GOSR1: variants seen among roughly 807,000 people sequenced by gnomAD.
The protein encoded by GOSR1 is 28 kDa Golgi SNARE protein.
GOSR1 carries 21 observed loss-of-function variants against 35.5 expected under a neutral mutation model. The observed-to-expected ratio is 0.59, with a 90% CI of 0.42 to 0.85. GOSR1 has a LOEUF of 0.85. Among genes scored for constraint, GOSR1 ranks in the 40% least tolerant of loss-of-function variants. GOSR1 has a pLI of 0.00. For synonymous variants in GOSR1, 94 were observed against 106.6 expected (o/e 0.88, Z 0.73); for missense variants, 285 against 309.6 (o/e 0.92, Z 0.60).
chr17:30,495,332 A>C, intron 6 of GOSR1: 1 of 424,880 alleles, frequency 2.4e-6, no homozygotes, highest in Non-Finnish European at 4.7e-6. Context: ...TCATTACTTG[A>C]CCAGGCATAT....
chr17:30,485,640 A>G (rs1401505781), intron 4 of GOSR1, among the ~76,000 whole-genome samples: 1 of 152,194 alleles, frequency 6.6e-6, no homozygotes, highest in Non-Finnish European at 1.5e-5. Context: ...CTAGAATTAT[A>G]GGCATGAGCC....
In GOSR1 at chr17:30,522,559, G is replaced by A. The variant is rs1968076454; in HGVS notation, c.*181G>A. On this transcript the variant is annotated 3_prime_UTR_variant, in exon 9 of 9. Coordinates refer to ENST00000451249, the MANE Select transcript of GOSR1 (RefSeq NM_001007025.2). ...TGAGCTGAAGCCACAGTTTCTCTGT[G>A]CTGTGTTTTCTAACACATTTTTCTG... 1 of 446,370 alleles carries A rather than the reference G, an allele frequency of 2.2e-6. No homozygotes were observed. Among genetic ancestry groups the A allele is most frequent in the African/African-American group, 2.0e-5 (1 of 49,044 alleles). The allele number at this position is 446,370 out of a possible 1,614,324, so 27.7% of individuals were successfully genotyped here.
At chr17:30,519,628 A>T in intron 7 of GOSR1, 1 of 190,318 alleles carries the variant, frequency 5.3e-6, no homozygotes, top group Non-Finnish European at 1.1e-5. Context: ...TAAAGTTTTT[A>T]AACTTTAAAT....
chr17:30,493,098 G>A (rs1915147945), intron 6 of GOSR1, among the ~76,000 whole-genome samples: 1 of 151,726 alleles, frequency 6.6e-6, no homozygotes, highest in African/African-American at 2.4e-5. Flanking sequence ...GGGTTCAAGC[G>A]ATTCTCCTGC....
rs945050875 is a variant in GOSR1, at chr17:30,488,082, A to G, written c.343-2044A>G. ...AGCCACCGTACCCAGCCCTGATCCAATTATTCTATTGCTAGTCATTTACTC... is the reference window on the plus strand; with the variant it reads ...AGCCACCGTACCCAGCCCTGATCCAGTTATTCTATTGCTAGTCATTTACTC... On this transcript the variant is annotated intron_variant, in intron 4 of 8. Coordinates refer to ENST00000451249, the MANE Select transcript of GOSR1 (RefSeq NM_001007025.2). Among the ~76,000 whole-genome samples the G allele has an allele frequency of 3.5e-5, 5 of 141,622 alleles. No homozygotes were observed. The East Asian group carries it at 6.3e-4, about 18-fold the overall frequency. 92.9% of individuals were successfully genotyped at this position (141,622 alleles called of 152,430 possible).
At chr17:30,496,882 T>A (rs760687427) in intron 6 of GOSR1, among the ~76,000 whole-genome samples, 7 of 152,220 alleles carry the variant, frequency 4.6e-5, no homozygotes, top group Non-Finnish European at 8.8e-5. Context: ...AGGCTGTGAC[T>A]GTTTTCATAG....
At chr17:30,516,192 C>T (rs912825141) in intron 7 of GOSR1, among the ~76,000 whole-genome samples, 4 of 152,156 alleles carry the variant, frequency 2.6e-5, no homozygotes, top group East Asian at 1.9e-4. Context: ...AAAAGTCAGC[C>T]GGGCGCGGTG....
Position 30,522,593 on chromosome 17 carries a change from T to TAA in GOSR1, c.*230_*231dup, listed in dbSNP as rs34897756. The TAA allele has an allele frequency of 2.6e-3, 665 of 251,314 alleles. 3 individuals are homozygous for TAA. The highest frequency in any genetic ancestry group is 0.011 in the African/African-American group (438 of 40,190). 15.6% of individuals were successfully genotyped at this position (251,314 alleles called of 1,614,324 possible). A position where few individuals can be genotyped will look rare whatever the true frequency, so the allele number is the denominator to read the frequency against. The stretch of plus-strand genomic sequence containing the variant: ...TCTAACACATTTTTCTGTTTTTAAT[T>TAA]AAAAAAAAAAAAAAAAGGTTTTCAG... On this transcript the variant is annotated 3_prime_UTR_variant, in exon 9 of 9. Transcript: ENST00000451249.
chr17:30,502,614 G>A (rs917630), intron 6 of GOSR1, among the ~76,000 whole-genome samples: 8,309 of 152,138 alleles, frequency 0.055, 297 homozygotes, highest in Non-Finnish European at 0.088. Flanking sequence ...TCTGTCTCCC[G>A]GTAACTTGCT....
chr17:30,517,080 T>C (rs949207506), intron 7 of GOSR1, among the ~76,000 whole-genome samples: 4 of 152,220 alleles, frequency 2.6e-5, no homozygotes. Flanking sequence ...TTGAAAGTGA[T>C]CTAAATCCTA....
chr17:30,485,843 G>A (rs191135918), intron 4 of GOSR1, among the ~76,000 whole-genome samples: 228 of 152,116 alleles, frequency 1.5e-3, no homozygotes, highest in African/African-American at 5.1e-3. Context: ...CCAACATGGC[G>A]AAACCCTGTC....
chr17:30,515,294 A>AT (rs35911853), intron 7 of GOSR1, among the ~76,000 whole-genome samples: 2,245 of 139,508 alleles, frequency 0.016, 27 homozygotes, highest in Admixed American at 0.03. Context: ...TGCCCAGCTA[A>AT]TTTTTTTTTT....
Position 30,504,533 on chromosome 17 carries a change from G to A in GOSR1, c.510-6347G>A, listed in dbSNP as rs182868090. 1.1e-4 allele frequency among the ~76,000 whole-genome samples: 16 copies of A among 152,290 alleles called. No individual in the cohort carries two copies. The East Asian group carries it at 2.9e-3, about 28-fold the overall frequency. On this transcript the variant is annotated intron_variant, in intron 6 of 8. Coordinates refer to ENST00000451249, the MANE Select transcript of GOSR1 (RefSeq NM_001007025.2). ...AAAAAGTGGGAAATAAGTGGGGGGC[G>A]TAAGTGTTTGCTTTATGAGACTTTA...
At chr17:30,490,294 A>G in intron 5 of GOSR1, 77 bp downstream of exon 5, 1 of 686,364 alleles carries the variant, frequency 1.5e-6, no homozygotes, top group Non-Finnish European at 2.6e-6. Flanking sequence ...TTAATTGCAA[A>G]TTGAGTGGCA....
intron 6 of GOSR1, among the ~76,000 whole-genome samples, chr17:30,505,987 C>T (rs1307599994): frequency 1.3e-5 from 2 of 152,174 alleles, no homozygotes; most frequent in East Asian, 3.8e-4. Flanking sequence ...ACCTCGGCCT[C>T]CCAAAGTGCT....
In GOSR1 at chr17:30,492,770, T is replaced by A. The variant is rs1488010392; in HGVS notation, c.509+17T>A. 1 of 1,404,434 alleles carries A rather than the reference T, an allele frequency of 7.1e-7. No homozygotes were observed. Among genetic ancestry groups the A allele is most frequent in the East Asian group, 2.3e-5 (1 of 43,816 alleles). The allele number at this position is 1,404,434 out of a possible 1,614,324, so 87.0% of individuals were successfully genotyped here. ...CCTTCGAAAGTAGGTATTGAATGTATGTGCATTATGTGGTTTTCCACGTTT... is the reference window on the plus strand; with the variant it reads ...CCTTCGAAAGTAGGTATTGAATGTAAGTGCATTATGTGGTTTTCCACGTTT... On this transcript the variant is annotated intron_variant, in intron 6 of 8. Transcript: ENST00000451249.
intron 2 of GOSR1, chr17:30,483,074 A>G (rs939072723): frequency 2.0e-5 from 3 of 151,514 alleles, no homozygotes; most frequent in Non-Finnish European, 2.9e-5. Flanking sequence ...GCATGTCACT[A>G]TGAGTCAACT....
At chr17:30,492,100 C>G (rs1379777390) in intron 5 of GOSR1, among the ~76,000 whole-genome samples, 1 of 151,906 alleles carries the variant, frequency 6.6e-6, no homozygotes, top group Admixed American at 6.6e-5. Context: ...GTTCCTGATA[C>G]TTTATTATTA....
chr17:30,477,881 T>C (rs143072743), intron 1 of GOSR1: 30 of 985,126 alleles, frequency 3.0e-5, no homozygotes, highest in Admixed American at 1.2e-4. Flanking sequence ...AGGTCACTAT[T>C]GGAAAACTGA....
Sources: allele counts gnomAD v4.1 joint callset (sites outside exome capture counted in the v4.1 genomes callset), GRCh38; gene constraint gnomAD v4.1.1; transcripts MANE v1.5; gene names NCBI Gene and HGNC (gene_info 2026-07-23, HGNC 2026-07-21).